The following LRP1B variants were observed in gnomAD, a reference collection of about 807,000 sequenced individuals.
The protein encoded by LRP1B is low-density lipoprotein receptor-related protein 1B.
LRP1B carries 217 observed loss-of-function variants against 556.6 expected under a neutral mutation model. The ratio of observed to expected loss-of-function variants is 0.39; its 90% confidence interval spans 0.35 to 0.44. LRP1B has a LOEUF of 0.44. Among genes scored for constraint, LRP1B ranks in the 20% least tolerant of loss-of-function variants. The pLI is 1.00. For synonymous variants in LRP1B, 2,047 were observed against 1,865.8 expected (o/e 1.10, Z -2.50); for missense variants, 5,053 against 5,620.8 (o/e 0.90, Z 3.23).
intron 2 of LRP1B, among the ~76,000 whole-genome samples, chr2:141,779,754 T>C (rs925544726): frequency 4.6e-5 from 7 of 152,012 alleles, no homozygotes; most frequent in Admixed American, 4.6e-4. Flanking sequence ...AAATTGAACC[T>C]CAGGGAGGTT....
At chr2:141,849,375 C>A (rs189929193) in intron 1 of LRP1B, among the ~76,000 whole-genome samples, 23 of 151,670 alleles carry the variant, frequency 1.5e-4, no homozygotes, top group African/African-American at 5.1e-4. Flanking sequence ...CGAATTATCA[C>A]TAGTTTTTCA....
chr2:141,357,013 T>C (rs1688651910), intron 3 of LRP1B, among the ~76,000 whole-genome samples: 1 of 152,014 alleles, frequency 6.6e-6, no homozygotes, highest in South Asian at 2.1e-4. Flanking sequence ...GAAATATGTG[T>C]TCACTTTTTA....
chr2:140,661,485 C>T (rs1236955418), intron 41 of LRP1B, among the ~76,000 whole-genome samples: 1 of 149,640 alleles, frequency 6.7e-6, no homozygotes, highest in African/African-American at 2.5e-5. Context: ...AATGATGAGA[C>T]CCCATCTCTA....
At chr2:140,976,665 G>A (rs930260022) in intron 18 of LRP1B, among the ~76,000 whole-genome samples, 10 of 151,230 alleles carry the variant, frequency 6.6e-5, no homozygotes, top group Non-Finnish European at 1.0e-4. Flanking sequence ...GCATTACCAC[G>A]CCCCACTAAT....
intron 86 of LRP1B, among the ~76,000 whole-genome samples, chr2:140,263,782 T>C (rs978428938): frequency 2.1e-5 from 3 of 146,238 alleles, no homozygotes; most frequent in African/African-American, 7.6e-5. Flanking sequence ...TTTCTACCAA[T>C]AATCTCTTCA....
chr2:141,166,259 T>A (rs993540378), intron 7 of LRP1B, among the ~76,000 whole-genome samples: 1 of 151,958 alleles, frequency 6.6e-6, no homozygotes, highest in Non-Finnish European at 1.5e-5. Flanking sequence ...TTCTGCTCTC[T>A]ACGTTCTCAC....
intron 1 of LRP1B, among the ~76,000 whole-genome samples, chr2:141,890,390 AG>A (rs1307180552): frequency 9.6e-5 from 13 of 135,964 alleles, no homozygotes; most frequent in South Asian, 2.3e-4. Flanking sequence ...ATACATATAT[AG>A]TGTATATATA....
chr2:140,801,107 A>G (rs891962802), intron 32 of LRP1B, among the ~76,000 whole-genome samples: 6 of 152,170 alleles, frequency 3.9e-5, no homozygotes, highest in African/African-American at 1.4e-4. Flanking sequence ...ATTGAGATGT[A>G]CTAAATATAA....
intron 37 of LRP1B, among the ~76,000 whole-genome samples, chr2:140,707,844 G>C (rs906564751): frequency 6.6e-6 from 1 of 152,020 alleles, no homozygotes; most frequent in Non-Finnish European, 1.5e-5. Flanking sequence ...AATATAAAAA[G>C]CACTCAACCA....
At chr2:141,007,493 G>GT (rs141769736) in intron 14 of LRP1B, among the ~76,000 whole-genome samples, 19,227 of 151,446 alleles carry the variant, frequency 0.13, 1,303 homozygotes, top group Middle Eastern at 0.19. Flanking sequence ...CTAATACAGG[G>GT]TTTTTTTAAT....
At chr2:141,138,071 A>C (rs1701535322) in intron 7 of LRP1B, among the ~76,000 whole-genome samples, 1 of 151,966 alleles carries the variant, frequency 6.6e-6, no homozygotes, top group African/African-American at 2.4e-5. Flanking sequence ...CCTATGATAT[A>C]TTAAAAGGAT....
At chr2:141,146,602 G>A (rs970496951) in intron 7 of LRP1B, among the ~76,000 whole-genome samples, 2 of 152,148 alleles carry the variant, frequency 1.3e-5, no homozygotes, top group African/African-American at 4.8e-5. Context: ...CTTTATTAAA[G>A]GGTAAGTGAT....
At chr2:140,911,547 C>T (rs919759824) in intron 21 of LRP1B, among the ~76,000 whole-genome samples, 2 of 151,788 alleles carry the variant, frequency 1.3e-5, no homozygotes, top group Non-Finnish European at 3.0e-5. Flanking sequence ...TACTCTGTGC[C>T]TTACCCTTTC....
At position 140,813,714 on chromosome 2, in the gene LRP1B, C is replaced by T. The variant is rs1201572664; in HGVS notation, c.5302G>A (p.Glu1768Lys). 1 of 1,612,724 alleles carries T rather than the reference C, an allele frequency of 6.2e-7. No homozygotes were observed. The highest frequency in any genetic ancestry group is 2.2e-5 in the East Asian group (1 of 44,824). ...TCTTCTTTCATTGACTCGATTACTT[C>T]TAAATTACCACCATCCAGGTTGCAT... is the stretch of plus-strand genomic sequence containing the variant. ...NRCNLDGGNL[E>K]VIESMKEELT... Residue 1768 changes from glutamate to lysine, a missense_variant, in exon 32 of 91, where the codon GAA (glutamate) becomes AAA (lysine). Coordinates refer to ENST00000389484, the MANE Select transcript of LRP1B (RefSeq NM_018557.3).
chr2:141,641,744 T>C (rs772027582), intron 2 of LRP1B, among the ~76,000 whole-genome samples: 1 of 152,136 alleles, frequency 6.6e-6, no homozygotes, highest in African/African-American at 2.4e-5. Flanking sequence ...AATGGTAAGA[T>C]AAAAGCAGAC....
intron 1 of LRP1B, among the ~76,000 whole-genome samples, chr2:142,015,510 A>G (rs1379383458): frequency 6.6e-6 from 1 of 152,220 alleles, no homozygotes; most frequent in African/African-American, 2.4e-5. Flanking sequence ...ACAAAAGCCA[A>G]AGTTGACAAA....
intron 35 of LRP1B, among the ~76,000 whole-genome samples, chr2:140,744,520 T>C (rs1006688471): frequency 4.6e-5 from 7 of 152,258 alleles, no homozygotes; most frequent in African/African-American, 1.7e-4. Context: ...GAAATTTACT[T>C]GTCAGCCGGC....
At chr2:141,798,631 C>T (rs965627834) in intron 2 of LRP1B, among the ~76,000 whole-genome samples, 18 of 133,312 alleles carry the variant, frequency 1.4e-4, no homozygotes, top group South Asian at 4.7e-4. Flanking sequence ...CACTTGAACA[C>T]GGGAGGTAGA....
chr2:140,361,831 CT>C (rs1412841679), intron 72 of LRP1B, among the ~76,000 whole-genome samples: 1 of 151,496 alleles, frequency 6.6e-6, no homozygotes, highest in African/African-American at 2.4e-5. Context: ...TAGACTACCT[CT>C]TTCCTTTCAA....
Sources: gnomAD v4.1 joint callset for allele counts (sites outside exome capture counted in the v4.1 genomes callset) on GRCh38, gnomAD v4.1.1 for gene constraint, MANE v1.5 for transcripts, NCBI Gene and HGNC (gene_info 2026-07-23, HGNC 2026-07-21) for gene names.